The following KCNH1 variants were observed in gnomAD, a reference collection of about 807,000 sequenced individuals.
The protein encoded by KCNH1 is voltage-gated delayed rectifier potassium channel KCNH1.
In KCNH1, 27 loss-of-function variants were observed where a neutral mutation model predicts 69.2. That is an observed-to-expected ratio of 0.39 (90% confidence interval 0.29 to 0.54). KCNH1 has a LOEUF of 0.54. Among genes scored for constraint, KCNH1 ranks in the 20% least tolerant of loss-of-function variants. The pLI is 0.68. For synonymous variants in KCNH1, 456 were observed against 487.7 expected (o/e 0.93, Z 0.86); for missense variants, 798 against 1,261.6 (o/e 0.63, Z 5.57).
chr1:210,865,255 T>C (rs1686082775), intron 7 of KCNH1, among the ~76,000 whole-genome samples: 1 of 152,238 alleles, frequency 6.6e-6, no homozygotes. Flanking sequence ...GGAACAAATA[T>C]TTTCATATGA....
intron 3 of KCNH1, among the ~76,000 whole-genome samples, chr1:211,098,321 G>GAA (rs61005709): frequency 0.014 from 1,763 of 128,244 alleles, 29 homozygotes; most frequent in African/African-American, 0.046. Context: ...ACCCTGTCTT[G>GAA]AAAAAAAAAA....
At chr1:210,861,652 T>C (rs1685981065) in intron 7 of KCNH1, 2 of 771,896 alleles carry the variant, frequency 2.6e-6, no homozygotes, top group Non-Finnish European at 4.8e-6. Context: ...ATAGAGTATA[T>C]ACTGAACAAG....
intron 5 of KCNH1, among the ~76,000 whole-genome samples, chr1:211,071,400 T>G (rs1221836823): frequency 6.6e-6 from 1 of 152,160 alleles, no homozygotes; most frequent in Non-Finnish European, 1.5e-5. Context: ...TATATAAAAT[T>G]TACTAGAGAG....
At chr1:210,997,751 G>T (rs1689080230) in intron 6 of KCNH1, among the ~76,000 whole-genome samples, 1 of 152,280 alleles carries the variant, frequency 6.6e-6, no homozygotes, top group East Asian at 1.9e-4. Context: ...AATGTTAAGG[G>T]CAGCCAGAGA....
chr1:210,740,704 A>ATTTTTTTTTTTT (rs199727493), intron 10 of KCNH1, among the ~76,000 whole-genome samples: 79 of 117,226 alleles, frequency 6.7e-4, no homozygotes, highest in African/African-American at 2.6e-3. Flanking sequence ...TTATGATTAA[A>ATTTTTTTTTTTT]TTTTTTTTTT....
intron 10 of KCNH1, among the ~76,000 whole-genome samples, chr1:210,762,793 T>C (rs1157849404): frequency 6.6e-6 from 1 of 151,990 alleles, no homozygotes; most frequent in Non-Finnish European, 1.5e-5. Flanking sequence ...CGACCAGATA[T>C]ACAAAGAAAA....
intron 6 of KCNH1, among the ~76,000 whole-genome samples, chr1:210,942,326 G>A (rs549524756): frequency 2.0e-5 from 3 of 152,166 alleles, no homozygotes; most frequent in African/African-American, 7.2e-5. Flanking sequence ...CAGGGCACAG[G>A]CTAAGACCAG....
Position 210,804,140 on chromosome 1 carries a change from T to G in KCNH1, c.1489A>C (p.Asn497His). 6.2e-7 allele frequency: 1 copy of G among 1,613,456 alleles called. No individual in the cohort carries two copies. Among genetic ancestry groups the G allele is most frequent in the Non-Finnish European group, 8.5e-7 (1 of 1,179,690 alleles). The change falls in exon 8 of 11, where the codon AAT becomes CAT. Residue 497 changes from asparagine to histidine, a missense_variant. Physicochemically the swap from Asn to His is moderately conservative, Grantham distance 68. Transcript: ENST00000271751. Reference sequence around the variant, plus strand: ...ATCTGTTGGAAAATAGTCGTCACATTCCCGAAGATGGTGGCATAGAGAAGT... The same window carrying G: ...ATCTGTTGGAAAATAGTCGTCACATGCCCGAAGATGGTGGCATAGAGAAGT... ...GSLLYATIFG[N>H]VTTIFQQMYA... is the part of the protein sequence containing the mutation.
At chr1:210,718,053 G>A (rs1558437696) in intron 10 of KCNH1, among the ~76,000 whole-genome samples, 1 of 151,796 alleles carries the variant, frequency 6.6e-6, no homozygotes, top group Non-Finnish European at 1.5e-5. Flanking sequence ...GTTGCAGTGA[G>A]CTGAGATTGC....
At chr1:211,084,401 G>T (rs570213871) in intron 4 of KCNH1, among the ~76,000 whole-genome samples, 1 of 151,092 alleles carries the variant, frequency 6.6e-6, no homozygotes, top group African/African-American at 2.4e-5. Context: ...CACCACCAGC[G>T]TGATCTATAT....
intron 6 of KCNH1, among the ~76,000 whole-genome samples, chr1:211,016,705 T>C (rs1311030896): frequency 1.3e-5 from 2 of 151,694 alleles, no homozygotes. Flanking sequence ...GGTCAGGAGT[T>C]CAAGACCAGA....
intron 7 of KCNH1, among the ~76,000 whole-genome samples, chr1:210,873,295 T>A (rs761197427): frequency 2.0e-5 from 3 of 152,180 alleles, no homozygotes; most frequent in Non-Finnish European, 4.4e-5. Context: ...AGATTTGAAA[T>A]GTGCTTGAAT....
In KCNH1 at chr1:211,133,789, G is replaced by T. The variant is rs1033564321; in HGVS notation, c.79+78C>A. 7.4e-5 allele frequency: 100 copies of T among 1,351,498 alleles called. No homozygotes were observed. Among genetic ancestry groups the T allele is most frequent in the Non-Finnish European group, 1.3e-5 (12 of 952,282 alleles). The allele number at this position is 1,351,498 out of a possible 1,614,324, so 83.7% of individuals were successfully genotyped here. A position where few individuals can be genotyped will look rare whatever the true frequency, so the allele number is the denominator to read the frequency against. On this transcript the variant is annotated intron_variant, in intron 1 of 10. Coordinates refer to ENST00000271751, the MANE Select transcript of KCNH1 (RefSeq NM_172362.3). This position sits in a 1 kb window ranked among gnomAD's most constrained non-coding sequence, Gnocchi z 5.4. ...CTCGCGGGTTCTGCTGCATCTGCTG[G>T]CTCCGAGCGGCGAGAGGTTCTGCAA...
chr1:210,873,775 T>C (rs1379590426), intron 7 of KCNH1, among the ~76,000 whole-genome samples: 1 of 152,020 alleles, frequency 6.6e-6, no homozygotes, highest in African/African-American at 2.4e-5. Context: ...TAGTAAATAA[T>C]CATAGGGAGA....
At chr1:210,960,294 T>C (rs1246499844) in intron 6 of KCNH1, among the ~76,000 whole-genome samples, 2 of 152,158 alleles carry the variant, frequency 1.3e-5, no homozygotes, top group Non-Finnish European at 2.9e-5. Flanking sequence ...TTTCTCTTGC[T>C]TTACATAAAA....
chr1:211,013,650 A>G (rs1295007534), intron 6 of KCNH1, among the ~76,000 whole-genome samples: 1 of 152,244 alleles, frequency 6.6e-6, no homozygotes, highest in East Asian at 1.9e-4. Context: ...CCATCAGGCA[A>G]AAGGACAAAC....
In KCNH1 at chr1:210,857,881, T is replaced by C. The variant is rs181651332; in HGVS notation, c.1463-53715A>G. Among the ~76,000 whole-genome samples, 38 of 152,304 alleles carry C rather than the reference T, an allele frequency of 2.5e-4. No homozygotes were observed. In the East Asian group the frequency reaches 5.2e-3, roughly 21 times the overall value. ...TGGCTTGTTTTTGCAGTGGTATCAA[T>C]AGTGGTTTCTGGAGGGAACCACATG... On this transcript the variant is annotated intron_variant, in intron 7 of 10. Transcript: ENST00000271751.
rs368488254 is a variant in KCNH1 at position 211,101,187 on chromosome 1, G to A, written c.310+2309C>T. ...TGGCTCTGTTCCGTGGATGCTGCCC[G>A]TTCCCCTACAGATGCTGTAAGAGCA... On this transcript the variant is annotated intron_variant, in intron 3 of 10. Coordinates refer to ENST00000271751, the MANE Select transcript of KCNH1 (RefSeq NM_172362.3). 1.1e-4 allele frequency among the ~76,000 whole-genome samples: 17 copies of A among 152,212 alleles called. No individual in the cohort carries two copies. The South Asian group carries it at 2.9e-3, about 26-fold the overall frequency.
chr1:211,115,585 A>G (rs1435629919), intron 1 of KCNH1, among the ~76,000 whole-genome samples: 3 of 151,472 alleles, frequency 2.0e-5, no homozygotes, highest in African/African-American at 7.3e-5. Context: ...GCCCTCAAAC[A>G]TCGGTCTCCA....
Sources: gnomAD v4.1 joint callset for allele counts (sites outside exome capture counted in the v4.1 genomes callset) on GRCh38, gnomAD v4.1.1 for gene constraint, Gnocchi (gnomAD v3.1) non-coding constraint, MANE v1.5 for transcripts, NCBI Gene and HGNC (gene_info 2026-07-23, HGNC 2026-07-21) for gene names.